Variants in TTI1 observed in about 807,000 individuals in gnomAD.
TTI1 encodes the protein TELO2-interacting protein 1 homolog.
TTI1 carries 52 observed loss-of-function variants against 85.4 expected under a neutral mutation model. That is an observed-to-expected ratio of 0.61 (90% CI 0.49 to 0.77). TTI1 has a LOEUF of 0.77. Among genes scored for constraint, TTI1 ranks in the 30% least tolerant of loss-of-function variants. The pLI is 0.00. For missense variants in TTI1, 1,173 were observed against 1,296.0 expected, an observed-to-expected ratio of 0.91 and a Z score of 1.46; for synonymous variants, 512 against 503.9, an observed-to-expected ratio of 1.02 and a Z score of -0.22.
intron 7 of TTI1, among the ~76,000 whole-genome samples, chr20:37,993,065 T>C (rs1409531475): frequency 6.6e-6 from 1 of 152,000 alleles, no homozygotes; most frequent in Non-Finnish European, 1.5e-5. Context: ...TTTGCACATT[T>C]GTTATCCATT....
chr20:37,989,249 T>G (rs2073230852), intron 7 of TTI1, among the ~76,000 whole-genome samples: 1 of 152,244 alleles, frequency 6.6e-6, no homozygotes, highest in Admixed American at 6.5e-5. Flanking sequence ...TCAAAACCAT[T>G]CATCTATCGA....
intron 2 of TTI1, among the ~76,000 whole-genome samples, chr20:38,007,086 G>T (rs1460572140): frequency 3.3e-5 from 5 of 152,168 alleles, no homozygotes; most frequent in African/African-American, 1.2e-4. Flanking sequence ...ATATGCTGAG[G>T]CATGTCCAAA....
chr20:38,011,800 T>C lies in TTI1; in HGVS notation c.2017A>G (p.Ser673Gly). Residue 673 changes from serine (S) to glycine (G), a missense_variant, in exon 2 of 8, where the codon AGC becomes GGC. Ser to Gly is a moderately conservative substitution (Grantham distance 56, BLOSUM62 0). Coordinates refer to ENST00000373447, the MANE Select transcript of TTI1 (RefSeq NM_001303457.2). ...QTLLISQVATSTMMDVCRACG... is the reference protein window; with the variant it reads ...QTLLISQVATGTMMDVCRACG... ...GCACGGCAAACGTCCATCATGGTGCTGGTAGCCACCTGACTAATGAGTAGG... is the reference window on the plus strand; with the variant it reads ...GCACGGCAAACGTCCATCATGGTGCCGGTAGCCACCTGACTAATGAGTAGG... The C allele has an allele frequency of 6.2e-7, 1 of 1,614,254 alleles. No homozygotes were observed. The highest frequency in any genetic ancestry group is 1.1e-5 in the South Asian group (1 of 91,088).
intron 1 of TTI1, among the ~76,000 whole-genome samples, chr20:38,020,110 C>T (rs1461952636): frequency 6.6e-6 from 1 of 151,562 alleles, no homozygotes; most frequent in African/African-American, 2.4e-5. Context: ...TAACTGATTT[C>T]AAGGTTTACT....
chr20:38,012,214 C>T lies in TTI1; in HGVS notation c.1603G>A (p.Gly535Arg). Residue 535 changes from glycine (G) to arginine (R), a missense_variant, in exon 2 of 8, where the codon GGG (glycine) becomes AGG (arginine). Physicochemically the swap from Gly to Arg is moderately radical, Grantham distance 125 (BLOSUM62 -2). Coordinates refer to ENST00000373447, the MANE Select transcript of TTI1 (RefSeq NM_001303457.2). ...TCGTGAAGATCCTCAACCTCCAGCCCAGCAGCCCCTGTAACCAGTTCATTA... is the reference window on the plus strand; with the variant it reads ...TCGTGAAGATCCTCAACCTCCAGCCTAGCAGCCCCTGTAACCAGTTCATTA... ...ILNELVTGAA[G>R]LEVEDLHEKH... 2 of 1,614,208 alleles carry T rather than the reference C, an allele frequency of 1.2e-6. No individual in the cohort carries two copies. Among genetic ancestry groups the T allele is most frequent in the Non-Finnish European group, 1.7e-6 (2 of 1,180,044 alleles).
intron 1 of TTI1, among the ~76,000 whole-genome samples, chr20:38,022,534 T>C (rs1206369744): frequency 1.3e-5 from 2 of 152,210 alleles, no homozygotes; most frequent in Non-Finnish European, 2.9e-5. Flanking sequence ...GATCTGGTTC[T>C]GTCATTTGTA....
intron 2 of TTI1, among the ~76,000 whole-genome samples, chr20:38,010,644 T>A (rs999115683): frequency 6.1e-4 from 93 of 151,810 alleles, no homozygotes; most frequent in Admixed American, 3.5e-3. Flanking sequence ...CTAATTTTTT[T>A]TTTTTTATTT....
chr20:38,017,454 T>C (rs2073701285), intron 1 of TTI1, among the ~76,000 whole-genome samples: 1 of 150,678 alleles, frequency 6.6e-6, no homozygotes, highest in Non-Finnish European at 1.5e-5. Context: ...GCCTTTGGTG[T>C]GTGCGCACGA....
intron 1 of TTI1, among the ~76,000 whole-genome samples, chr20:38,020,649 T>A (rs751799067): frequency 6.6e-6 from 1 of 151,834 alleles, no homozygotes; most frequent in Non-Finnish European, 1.5e-5. Context: ...TAAAAAATCA[T>A]TTAAAAAAGG....
intron 2 of TTI1, 131 bp from the exon 3 acceptor site, chr20:38,006,528 C>T: frequency 1.1e-6 from 1 of 927,948 alleles, no homozygotes; most frequent in South Asian, 1.6e-5. Flanking sequence ...GCTCCCCGGC[C>T]TCCCAGTTGC....
Position 37,983,637 on chromosome 20 carries a change from A to ACG in TTI1, c.3087_3088dup (p.Val1030AlafsTer6). On this transcript the variant is annotated frameshift_variant and splice_region_variant, in exon 8 of 8. Coordinates refer to ENST00000373447, the MANE Select transcript of TTI1 (RefSeq NM_001303457.2). LOFTEE classifies it high-confidence loss of function. Reference sequence around the variant, plus strand: ...GTCCACCTTCATCAAGTGGAGGAAGACGCTGTGGAGAGATGGAAAGGAGTG... The same window carrying ACG: ...GTCCACCTTCATCAAGTGGAGGAAGACGCGCTGTGGAGAGATGGAAAGGAGTG... 7 of 1,523,028 alleles carry ACG rather than the reference A, an allele frequency of 4.6e-6. No homozygotes were observed. Among genetic ancestry groups the ACG allele is most frequent in the Non-Finnish European group, 6.2e-6 (7 of 1,133,598 alleles). 94.3% of individuals were successfully genotyped at this position (1,523,028 alleles called of 1,614,324 possible).
intron 7 of TTI1, among the ~76,000 whole-genome samples, chr20:37,990,149 C>T (rs2073243062): frequency 6.6e-6 from 1 of 152,208 alleles, no homozygotes; most frequent in South Asian, 2.1e-4. Flanking sequence ...CTATATTAAC[C>T]TCAACTCGGT....
chr20:38,005,176 A>G (rs2073478344), intron 3 of TTI1, among the ~76,000 whole-genome samples: 1 of 152,222 alleles, frequency 6.6e-6, no homozygotes, highest in Non-Finnish European at 1.5e-5. Context: ...AAAAAAAGGA[A>G]AAGAAAAGAA....
At chr20:38,024,905 T>G (rs2073816659) in intron 1 of TTI1, among the ~76,000 whole-genome samples, 3 of 152,144 alleles carry the variant, frequency 2.0e-5, no homozygotes, top group Admixed American at 2.0e-4. Context: ...GTCAGGACTT[T>G]CACCACTGCC....
intron 1 of TTI1, among the ~76,000 whole-genome samples, chr20:38,024,218 G>A (rs979227481): frequency 6.6e-6 from 1 of 151,952 alleles, no homozygotes; most frequent in Non-Finnish European, 1.5e-5. Context: ...AGTTCTTCAG[G>A]TAACTAAAGT....
chr20:37,984,462 A>T (rs1030860153), intron 7 of TTI1, among the ~76,000 whole-genome samples: 2 of 152,172 alleles, frequency 1.3e-5, no homozygotes, highest in Non-Finnish European at 2.9e-5. Context: ...TAGCTGCTCA[A>T]ATACTATTTC....
intron 1 of TTI1, among the ~76,000 whole-genome samples, chr20:38,024,877 A>G (rs1203250890): frequency 6.6e-6 from 1 of 152,222 alleles, no homozygotes; most frequent in Non-Finnish European, 1.5e-5. Flanking sequence ...GTAATGAGGT[A>G]GCATCACAGG....
In TTI1 at chr20:38,011,821, G is replaced by A. The variant is rs377657447; in HGVS notation, c.1996C>T (p.Leu666Phe). 24 of 1,614,104 alleles carry A rather than the reference G, an allele frequency of 1.5e-5. No homozygotes were observed. The African/African-American group carries it at 2.9e-4, about 20-fold the overall frequency. The change falls in exon 2 of 8, where the codon CTC (leucine) becomes TTC (phenylalanine). Residue 666 changes from leucine to phenylalanine, a missense_variant. Leu to Phe is a conservative substitution (Grantham distance 22). Coordinates refer to ENST00000373447, the MANE Select transcript of TTI1 (RefSeq NM_001303457.2). ...VLEKAGDQTL[L>F]ISQVATSTMM... ...GTGCTGGTAGCCACCTGACTAATGAGTAGGGTTTGGTCTCCAGCCTTCTCC... is the reference window on the plus strand; with the variant it reads ...GTGCTGGTAGCCACCTGACTAATGAATAGGGTTTGGTCTCCAGCCTTCTCC...
chr20:37,989,202 CTA>C (rs2073229986), intron 7 of TTI1, among the ~76,000 whole-genome samples: 3 of 152,230 alleles, frequency 2.0e-5, no homozygotes, highest in Admixed American at 6.5e-5. Context: ...ACCTTTGCAG[CTA>C]TACATGCTCG....
Sources: gnomAD v4.1 joint callset for allele counts (sites outside exome capture counted in the v4.1 genomes callset) on GRCh38, gnomAD v4.1.1 for gene constraint, MANE v1.5 for transcripts, NCBI Gene and HGNC (gene_info 2026-07-23, HGNC 2026-07-21) for gene names.